CDYL: variants seen among roughly 807,000 people sequenced by gnomAD.
The protein encoded by CDYL is chromodomain Y-like protein.
A neutral mutation model predicts 47.3 loss-of-function variants in CDYL; 8 were observed. The ratio of observed to expected loss-of-function variants is 0.17; its 90% CI spans 0.10 to 0.31. The LOEUF is 0.31. CDYL is among the 10% of genes least tolerant of loss of function. The pLI is 1.00. For missense variants in CDYL, 471 were observed against 701.4 expected (o/e 0.67, Z 3.71); for synonymous variants, 266 against 265.0 (o/e 1.00, Z -0.04).
Position 4,943,666 on chromosome 6 carries a change from G to A in CDYL, c.1242G>A (p.Lys414=), listed in dbSNP as rs1758427452. The change falls in exon 5 of 7, where the codon AAG becomes AAA. Residue 414 remains lysine (K), a synonymous_variant. Transcript: ENST00000397588. The part of the protein sequence containing the change: ...PLCDVVWANE[K]AWFQTPYTTF... ...GCGATGTGGTTTGGGCTAATGAAAA[G>A]GCTTGGTTTCAAACACCCTATACCA... The A allele has an allele frequency of 6.2e-7, 1 of 1,613,736 alleles. No homozygotes were observed. Among genetic ancestry groups the A allele is most frequent in the African/African-American group, 1.3e-5 (1 of 74,784 alleles).
Position 4,798,735 on chromosome 6 carries a change from G to A in CDYL, c.24+21928G>A, listed in dbSNP as rs115520496. On this transcript the variant is annotated intron_variant, in intron 1 of 6. Transcript: ENST00000397588. ...TTTCTCAAATTGAATGTATTGTACT[G>A]GTTTGGATTCTTTCATGAATATGTA... Among the ~76,000 whole-genome samples the A allele has an allele frequency of 8.4e-3, 1,280 of 152,240 alleles. 22 individuals carry two copies. The highest frequency in any genetic ancestry group is 0.03 in the African/African-American group (1,229 of 41,518).
chr6:4,714,367 C>T (rs1757215574), intron 1 of CDYL: 1 of 152,190 alleles, frequency 6.6e-6, no homozygotes, highest in African/African-American at 2.4e-5. Context: ...AGAAGTTAAC[C>T]TTTATGAACT....
intron 1 of CDYL, among the ~76,000 whole-genome samples, chr6:4,854,435 T>C (rs1760945014): frequency 6.6e-6 from 1 of 152,336 alleles, no homozygotes; most frequent in Non-Finnish European, 1.5e-5. Context: ...AAGGACTGTG[T>C]ACACCCCACA....
At chr6:4,843,232 C>G (rs966121703) in intron 1 of CDYL, among the ~76,000 whole-genome samples, 1 of 152,102 alleles carries the variant, frequency 6.6e-6, no homozygotes, top group Non-Finnish European at 1.5e-5. Context: ...GTGCTTTTGC[C>G]TCACAGCTCT....
intron 2 of CDYL, among the ~76,000 whole-genome samples, chr6:4,912,464 A>G (rs1355660583): frequency 6.6e-6 from 1 of 152,276 alleles, no homozygotes; most frequent in East Asian, 1.9e-4. Context: ...GCGCACTTAC[A>G]GTTGCTGACT....
intron 1 of CDYL, among the ~76,000 whole-genome samples, chr6:4,872,795 C>T (rs1259230159): frequency 6.6e-6 from 1 of 152,102 alleles, no homozygotes; most frequent in Non-Finnish European, 1.5e-5. Flanking sequence ...CTCAAAAATC[C>T]TAGTTTATCT....
intron 1 of CDYL, among the ~76,000 whole-genome samples, chr6:4,856,373 G>A (rs1163252969): frequency 1.3e-5 from 2 of 152,178 alleles, no homozygotes; most frequent in Non-Finnish European, 2.9e-5. Context: ...ATAGATAATT[G>A]CAGACAGGAC....
chr6:4,778,999 A>G (rs375954013), intron 1 of CDYL, among the ~76,000 whole-genome samples: 2 of 152,336 alleles, frequency 1.3e-5, no homozygotes, highest in East Asian at 1.9e-4. Context: ...ATGAGAACAT[A>G]TGTAAAGCCC....
intron 1 of CDYL, among the ~76,000 whole-genome samples, chr6:4,822,971 C>A (rs1182502355): frequency 6.6e-6 from 1 of 152,178 alleles, no homozygotes; most frequent in Non-Finnish European, 1.5e-5. Context: ...ATTCCTGAAG[C>A]CTGCCCAATT....
chr6:4,824,440 AT>A (rs1454535194), intron 1 of CDYL, among the ~76,000 whole-genome samples: 1 of 152,170 alleles, frequency 6.6e-6, no homozygotes, highest in Non-Finnish European at 1.5e-5. Context: ...TTAAAGTAGT[AT>A]TTCATTGTGA....
At chr6:4,718,924 C>CT (rs1418887206) in intron 2 of CDYL, among the ~76,000 whole-genome samples, 1 of 139,510 alleles carries the variant, frequency 7.2e-6, no homozygotes, top group Non-Finnish European at 1.6e-5. Flanking sequence ...TTTTTTTTTT[C>CT]TTTTTTTCTT....
chr6:4,734,927 T>A (rs1757675477), intron 3 of CDYL: 1 of 1,572,944 alleles, frequency 6.4e-7, no homozygotes, highest in Non-Finnish European at 8.6e-7. Context: ...CACACCACAC[T>A]CTCCCTTTAC....
intron 1 of CDYL, among the ~76,000 whole-genome samples, chr6:4,836,857 C>T (rs7747385): frequency 0.023 from 3,432 of 152,142 alleles, 131 homozygotes; most frequent in African/African-American, 0.078. Flanking sequence ...GTAGACCTTG[C>T]GCCTGGTTAC....
At chr6:4,857,019 A>C (rs1041980760) in intron 1 of CDYL, among the ~76,000 whole-genome samples, 6 of 152,226 alleles carry the variant, frequency 3.9e-5, no homozygotes, top group Non-Finnish European at 7.3e-5. Context: ...GAGAGAAGCC[A>C]ACTTAAGAGA....
chr6:4,906,782 G>C (rs1171265613), intron 2 of CDYL, among the ~76,000 whole-genome samples: 1 of 152,100 alleles, frequency 6.6e-6, no homozygotes, highest in Non-Finnish European at 1.5e-5. Context: ...TCTGAGTTTT[G>C]GTTTGGTTTC....
chr6:4,820,849 CA>C (rs1759814335), intron 1 of CDYL, among the ~76,000 whole-genome samples: 1 of 152,180 alleles, frequency 6.6e-6, no homozygotes. Context: ...CGGCAGCCTG[CA>C]GCGTGCAGAA....
intron 2 of CDYL, among the ~76,000 whole-genome samples, chr6:4,933,847 A>G (rs992746899): frequency 6.6e-6 from 1 of 152,196 alleles, no homozygotes; most frequent in African/African-American, 2.4e-5. Flanking sequence ...GTTGTTGGTC[A>G]TATCGACAAG....
chr6:4,742,677 T>C (rs1043326711), intron 3 of CDYL, among the ~76,000 whole-genome samples: 16 of 152,380 alleles, frequency 1.1e-4, no homozygotes, highest in Non-Finnish European at 1.8e-4. Flanking sequence ...AGACTCCCTT[T>C]GGGGGCAGAG....
In CDYL at chr6:4,816,218, C is replaced by T. The variant is rs149247281; in HGVS notation, c.24+39411C>T. ...CGTTACCCCAGCTGTAGAGGACGCA[C>T]TGAGCATCAAGCACGCAAATCTCTC... On this transcript the variant is annotated intron_variant, in intron 1 of 6. Transcript: ENST00000397588. Among the ~76,000 whole-genome samples, 615 of 151,100 alleles carry T rather than the reference C, an allele frequency of 4.1e-3. 1 individual carries two copies. Among genetic ancestry groups the T allele is most frequent in the African/African-American group, 0.014 (574 of 41,216 alleles).
Sources: gnomAD v4.1 joint callset for allele counts (sites outside exome capture counted in the v4.1 genomes callset) on GRCh38, gnomAD v4.1.1 for gene constraint, MANE v1.5 for transcripts, NCBI Gene and HGNC (gene_info 2026-07-23, HGNC 2026-07-21) for gene names.